The following TENM4 variants were observed in gnomAD, a reference collection of about 807,000 sequenced individuals.
TENM4 encodes the protein teneurin-4.
In TENM4, 82 loss-of-function variants were observed where a neutral mutation model predicts 243.3. The ratio of observed to expected loss-of-function variants is 0.34; its 90% confidence interval spans 0.28 to 0.40. TENM4 has a LOEUF of 0.40. Among genes scored for constraint, TENM4 ranks in the 10% least tolerant of loss-of-function variants. The pLI, the probability that TENM4 is intolerant of heterozygous loss-of-function variation, is 1.00. For synonymous variants in TENM4, 1,412 were observed against 1,456.3 expected, an observed-to-expected ratio of 0.97 and a Z score of 0.69; for missense variants, 3,138 against 3,673.3, an observed-to-expected ratio of 0.85 and a Z score of 3.77.
At chr11:79,403,933 A>G (rs1314559956) in intron 1 of TENM4, among the ~76,000 whole-genome samples, 2 of 152,222 alleles carry the variant, frequency 1.3e-5, no homozygotes, top group Admixed American at 1.3e-4. Flanking sequence ...TAGCTTGGCC[A>G]TGGTCACATG....
Position 79,139,142 on chromosome 11 carries a change from T to G in TENM4, c.-66+9568A>C, listed in dbSNP as rs1378598069. ...TCTATAAATATATATTATATTTCTA[T>G]AAATATATAAAATATATATTATATT... On this transcript the variant is annotated intron_variant, in intron 4 of 33. Transcript: ENST00000278550. Among the ~76,000 whole-genome samples, 3 of 67,890 alleles carry G rather than the reference T, an allele frequency of 4.4e-5. No individual in the cohort carries two copies. The East Asian group carries it at 1.3e-3, about 28-fold the overall frequency. 44.5% of individuals were successfully genotyped at this position (67,890 alleles called of 152,430 possible).
intron 6 of TENM4, among the ~76,000 whole-genome samples, chr11:79,013,726 G>T (rs1415125055): frequency 1.3e-5 from 2 of 152,218 alleles, no homozygotes; most frequent in East Asian, 3.8e-4. Flanking sequence ...CCATGAGTCA[G>T]CCATTCCAGA....
At chr11:78,814,254 T>C (rs1189871967) in intron 13 of TENM4, 40 bp downstream of exon 13, 1 of 1,538,662 alleles carries the variant, frequency 6.5e-7, no homozygotes, top group Non-Finnish European at 8.8e-7. Flanking sequence ...CTGAGGGGTC[T>C]GGGAAGCAGA....
intron 6 of TENM4, among the ~76,000 whole-genome samples, chr11:79,034,108 G>A (rs1233520340): frequency 6.6e-6 from 1 of 152,204 alleles, no homozygotes; most frequent in African/African-American, 2.4e-5. Context: ...TCTATTTTGA[G>A]GACATGGAGG....
chr11:78,796,442 G>A (rs1286887066), intron 15 of TENM4, among the ~76,000 whole-genome samples: 1 of 152,132 alleles, frequency 6.6e-6, no homozygotes, highest in African/African-American at 2.4e-5. Flanking sequence ...GACAGCTGAT[G>A]TTACACTCTC....
At chr11:78,940,397 C>T (rs1439630543) in intron 6 of TENM4, among the ~76,000 whole-genome samples, 1 of 152,172 alleles carries the variant, frequency 6.6e-6, no homozygotes, top group Admixed American at 6.5e-5. Context: ...AAGGGGTAGG[C>T]TAAGTCCCAC....
At chr11:79,304,491 A>AT (rs1165795971) in intron 1 of TENM4, among the ~76,000 whole-genome samples, 4 of 151,952 alleles carry the variant, frequency 2.6e-5, no homozygotes, top group African/African-American at 4.8e-5. Context: ...CAGGCCTTGG[A>AT]TTTTTCCCCC....
chr11:79,234,439 C>T (rs1276982209), intron 2 of TENM4, among the ~76,000 whole-genome samples: 1 of 152,132 alleles, frequency 6.6e-6, no homozygotes, highest in African/African-American at 2.4e-5. Flanking sequence ...TAAGAGGCCT[C>T]GGGCAATTCA....
rs1859143591 is a variant in TENM4 at position 79,028,523 on chromosome 11, A to G, written c.493+36215T>C. ...GGCTGGCCTTTCAGAGTTGTCTCAA[A>G]TTGGGTCAAGAAGGTTGGGTCTTTG... On this transcript the variant is annotated intron_variant, in intron 6 of 33. Transcript: ENST00000278550. Among the ~76,000 whole-genome samples, 3 of 152,304 alleles carry G rather than the reference A, an allele frequency of 2.0e-5. No individual in the cohort carries two copies. The South Asian group carries it at 6.2e-4, about 32-fold the overall frequency.
At chr11:79,260,927 C>T (rs143289566) in intron 2 of TENM4, among the ~76,000 whole-genome samples, 17 of 152,250 alleles carry the variant, frequency 1.1e-4, no homozygotes, top group Non-Finnish European at 2.2e-4. Context: ...GCTATGAAAA[C>T]GATGTTTCCT....
intron 6 of TENM4, among the ~76,000 whole-genome samples, chr11:79,010,197 C>T (rs933833873): frequency 2.0e-5 from 3 of 152,118 alleles, no homozygotes; most frequent in African/African-American, 7.2e-5. Context: ...TCCTGTCCTT[C>T]TCCTTACCTA....
At chr11:79,106,019 A>G (rs1235323506) in intron 4 of TENM4, among the ~76,000 whole-genome samples, 1 of 152,260 alleles carries the variant, frequency 6.6e-6, no homozygotes, top group Non-Finnish European at 1.5e-5. Context: ...AAGTTATATT[A>G]TTTTTAACAA....
chr11:79,254,028 A>G (rs1855658064), intron 2 of TENM4, among the ~76,000 whole-genome samples: 1 of 152,176 alleles, frequency 6.6e-6, no homozygotes, highest in Admixed American at 6.5e-5. Flanking sequence ...AAAGCTTGAT[A>G]ATTTTCCAGT....
chr11:78,760,911 G>A (rs1323970370), intron 18 of TENM4, among the ~76,000 whole-genome samples: 4 of 152,084 alleles, frequency 2.6e-5, no homozygotes, highest in African/African-American at 9.7e-5. Context: ...TGTTCTTCGG[G>A]TCATAAATTA....
At chr11:79,132,702 C>T (rs564248379) in intron 4 of TENM4, among the ~76,000 whole-genome samples, 4 of 152,052 alleles carry the variant, frequency 2.6e-5, no homozygotes, top group South Asian at 2.1e-4. Flanking sequence ...AACTTTAAAA[C>T]CATGAAAAAA....
intron 1 of TENM4, among the ~76,000 whole-genome samples, chr11:79,377,872 A>G (rs1857923502): frequency 3.4e-5 from 5 of 149,048 alleles, no homozygotes; most frequent in Admixed American, 6.6e-5. Context: ...ACAAAATACA[A>G]TTAAAAAAAA....
chr11:78,685,365 T>G (rs1858640251), intron 29 of TENM4, among the ~76,000 whole-genome samples: 1 of 152,158 alleles, frequency 6.6e-6, no homozygotes, highest in Non-Finnish European at 1.5e-5. Flanking sequence ...TCACAGAGAC[T>G]CTAGTGAGGC....
At chr11:78,904,170 C>T (rs1340775141) in intron 6 of TENM4, among the ~76,000 whole-genome samples, 1 of 151,842 alleles carries the variant, frequency 6.6e-6, no homozygotes, top group Non-Finnish European at 1.5e-5. Context: ...ACCATCCTGG[C>T]TAACATGGTG....
At position 78,670,437 on chromosome 11, in the gene TENM4, G is replaced by C; in HGVS notation, c.5908C>G (p.Arg1970Gly). 6.2e-7 allele frequency: 1 copy of C among 1,613,996 alleles called. No homozygotes were observed. The highest frequency in any genetic ancestry group is 8.5e-7 in the Non-Finnish European group (1 of 1,179,890). Residue 1970 changes from arginine to glycine, a missense_variant, in exon 32 of 34, where the codon CGC becomes GGC. Coordinates refer to ENST00000278550, the MANE Select transcript of TENM4 (RefSeq NM_001098816.3). ...NVARQTLETI[R>G]SVGYYRNIYQ... ...ATGTTTCTGTAGTAGCCCACTGAGC[G>C]GATGGTCTCTAGTGTCTGCCGCGCC...
Sources: gnomAD v4.1 joint callset for allele counts (sites outside exome capture counted in the v4.1 genomes callset) on GRCh38, gnomAD v4.1.1 for gene constraint, MANE v1.5 for transcripts, NCBI Gene and HGNC (gene_info 2026-07-23, HGNC 2026-07-21) for gene names.